FUT8: variants seen among roughly 807,000 people sequenced by gnomAD.
The protein encoded by FUT8 is alpha-(1,6)-fucosyltransferase.
In FUT8, 29 loss-of-function variants were observed where a neutral mutation model predicts 71.3. The ratio of observed to expected loss-of-function variants is 0.41; its 90% CI spans 0.30 to 0.55. The LOEUF is 0.55. Ranked by LOEUF, FUT8 falls within the 20% of genes least tolerant of loss-of-function variation. FUT8 has a pLI of 0.34. For synonymous variants in FUT8, 254 were observed against 239.3 expected, an observed-to-expected ratio of 1.06 and a Z score of -0.57; for missense variants, 544 against 702.1, an observed-to-expected ratio of 0.77 and a Z score of 2.55.
chr14:65,373,574 G>C, the FUT8 span, among the ~76,000 whole-genome samples: 3 of 151,956 alleles, frequency 2.0e-5, no homozygotes, highest in East Asian at 5.8e-4. Context: ...TGCTCGCCCC[G>C]GCTCCTGCAT....
chr14:65,480,998 CT>C (rs1174805309), intron 2 of FUT8, among the ~76,000 whole-genome samples: 1 of 152,150 alleles, frequency 6.6e-6, no homozygotes, highest in Non-Finnish European at 1.5e-5. Flanking sequence ...CTCTTTAATT[CT>C]TTTTTCAATT....
chr14:65,594,653 T>C (rs1267119110), intron 3 of FUT8, among the ~76,000 whole-genome samples: 2 of 152,022 alleles, frequency 1.3e-5, no homozygotes, highest in African/African-American at 4.8e-5. Flanking sequence ...ATGGTGAATA[T>C]AGAGAATTTT....
chr14:65,558,699 AG>A (rs1411275167), intron 2 of FUT8, among the ~76,000 whole-genome samples: 3 of 152,220 alleles, frequency 2.0e-5, no homozygotes, highest in Non-Finnish European at 4.4e-5. Context: ...GTTAGTAGAT[AG>A]GGAAAAAATT....
intron 3 of FUT8, among the ~76,000 whole-genome samples, chr14:65,613,045 A>AT (rs1889087365): frequency 7.0e-6 from 1 of 143,444 alleles, no homozygotes; most frequent in East Asian, 2.6e-4. Context: ...TTTCTTTTCC[A>AT]GTTTTTTTTT....
At chr14:65,421,326 G>A (rs778047673) in intron 1 of FUT8, among the ~76,000 whole-genome samples, 28 of 152,090 alleles carry the variant, frequency 1.8e-4, no homozygotes, top group Non-Finnish European at 2.9e-4. Flanking sequence ...AGAAGGAAGC[G>A]GAGGAATTCG....
At position 65,599,960 on chromosome 14, in the gene FUT8, T is replaced by G. The variant is rs190911834; in HGVS notation, c.204-16018T>G. On this transcript the variant is annotated intron_variant, in intron 3 of 10. Coordinates refer to ENST00000673929, the MANE Select transcript of FUT8 (RefSeq NM_001371533.1). The stretch of plus-strand genomic sequence containing the variant: ...TATTTTCACCAAAGATTCTTGCTCT[T>G]TTGAGTACATGAAGAAAATTAAATG... 1.5e-3 allele frequency among the ~76,000 whole-genome samples: 226 copies of G among 152,316 alleles called. 1 individual carries two copies. The Middle Eastern group carries it at 0.024, about 16-fold the overall frequency.
At chr14:65,427,800 C>A (rs904756935) in intron 1 of FUT8, among the ~76,000 whole-genome samples, 4 of 152,082 alleles carry the variant, frequency 2.6e-5, no homozygotes, top group Non-Finnish European at 5.9e-5. Flanking sequence ...TTTCATCTTC[C>A]AAAAAACCCA....
chr14:65,624,273 A>G (rs2140247796), intron 5 of FUT8, among the ~76,000 whole-genome samples: 1 of 131,518 alleles, frequency 7.6e-6, no homozygotes, highest in South Asian at 2.5e-4. Context: ...ATCACAAAAC[A>G]TTAGTGTACT....
At chr14:65,437,663 G>T (rs1176431716) in intron 1 of FUT8, among the ~76,000 whole-genome samples, 6 of 152,180 alleles carry the variant, frequency 3.9e-5, no homozygotes, top group Non-Finnish European at 5.9e-5. Context: ...TGAGGTCCCA[G>T]AGTATTTTAT....
At chr14:65,630,109 G>A (rs2140263999) in intron 6 of FUT8, among the ~76,000 whole-genome samples, 1 of 152,258 alleles carries the variant, frequency 6.6e-6, no homozygotes, top group Middle Eastern at 3.4e-3. Context: ...TGATAAGTGT[G>A]GCAGTTCAGT....
chr14:65,616,954 A>G (rs1330556429), intron 5 of FUT8: 4 of 1,008,624 alleles, frequency 4.0e-6, no homozygotes, highest in Non-Finnish European at 4.1e-6. Flanking sequence ...AATAATATGA[A>G]GTTTATCTTC....
intron 7 of FUT8, among the ~76,000 whole-genome samples, chr14:65,684,442 G>A (rs1893178890): frequency 6.6e-6 from 1 of 152,176 alleles, no homozygotes; most frequent in Non-Finnish European, 1.5e-5. Context: ...TTGAGTTGTA[G>A]CTAAAGAATA....
chr14:65,393,114 G>A, the FUT8 span, among the ~76,000 whole-genome samples: 1 of 152,160 alleles, frequency 6.6e-6, no homozygotes, highest in African/African-American at 2.4e-5. Flanking sequence ...AGTAGGATGC[G>A]ACTAGGGGTG....
chr14:65,649,142 A>G (rs1319705326), intron 6 of FUT8, among the ~76,000 whole-genome samples: 2 of 152,210 alleles, frequency 1.3e-5, no homozygotes, highest in Non-Finnish European at 2.9e-5. Context: ...ACACTTTTGT[A>G]TGCCCATAGA....
At chr14:65,524,910 C>T (rs1410045110) in intron 2 of FUT8, among the ~76,000 whole-genome samples, 2 of 152,162 alleles carry the variant, frequency 1.3e-5, no homozygotes, top group Admixed American at 1.3e-4. Context: ...AGCCTTGCAT[C>T]CCAGGGATGA....
intron 2 of FUT8, among the ~76,000 whole-genome samples, chr14:65,519,064 T>G (rs1185958210): frequency 1.3e-5 from 2 of 152,182 alleles, no homozygotes; most frequent in Non-Finnish European, 2.9e-5. Flanking sequence ...TTAGGGAATT[T>G]AGGTTGTCTA....
rs1888639908 is a variant in FUT8 at position 65,607,352 on chromosome 14, T to C, written c.204-8626T>C. On this transcript the variant is annotated intron_variant, in intron 3 of 10. Coordinates refer to ENST00000673929, the MANE Select transcript of FUT8 (RefSeq NM_001371533.1). The surrounding 1 kb of genome is among the most constrained non-coding windows in gnomAD (Gnocchi z 4.1). Reference sequence around the variant, plus strand: ...TGAATTTCTAATATTCCTTACTGAATTAAAGAGTTTACCTTCCATTCATTC... The same window carrying C: ...TGAATTTCTAATATTCCTTACTGAACTAAAGAGTTTACCTTCCATTCATTC... 6.6e-6 allele frequency among the ~76,000 whole-genome samples: 1 copy of C among 151,962 alleles called. No homozygotes were observed. Among genetic ancestry groups the C allele is most frequent in the Non-Finnish European group, 1.5e-5 (1 of 67,920 alleles).
chr14:65,392,262 T>C, the FUT8 span, among the ~76,000 whole-genome samples: 1 of 152,228 alleles, frequency 6.6e-6, no homozygotes, highest in Admixed American at 6.5e-5. Context: ...GAATTACTCC[T>C]CTGGCAAGCT....
intron 2 of FUT8, among the ~76,000 whole-genome samples, chr14:65,481,406 G>C (rs2066328873): frequency 6.6e-6 from 1 of 150,936 alleles, no homozygotes; most frequent in Non-Finnish European, 1.5e-5. Context: ...TTTTCTGATC[G>C]ATTTCCTTAT....
Sources: allele counts gnomAD v4.1 joint callset (sites outside exome capture counted in the v4.1 genomes callset), GRCh38; gene constraint gnomAD v4.1.1; non-coding constraint Gnocchi (gnomAD v3.1); transcripts MANE v1.5; gene names NCBI Gene and HGNC (gene_info 2026-07-23, HGNC 2026-07-21).